GRK5: variants seen among roughly 807,000 people sequenced by gnomAD.
The protein encoded by GRK5 is g protein-coupled receptor kinase GRK5.
In GRK5, 40 loss-of-function variants were observed where a neutral mutation model predicts 78.4. The observed-to-expected ratio is 0.51, with a 90% CI of 0.40 to 0.66. GRK5 has a LOEUF of 0.66. GRK5 is among the 30% of genes least tolerant of loss of function. The probability of loss-of-function intolerance (pLI) is 0.00; values close to 1 mark genes in which losing one functional copy is unlikely to be tolerated. For synonymous variants in GRK5, 289 were observed against 296.8 expected, an observed-to-expected ratio of 0.97 and a Z score of 0.27; for missense variants, 598 against 759.9, an observed-to-expected ratio of 0.79 and a Z score of 2.50.
At chr10:119,261,065 C>A (rs61153739) in intron 1 of GRK5, among the ~76,000 whole-genome samples, 1 of 4,958 alleles carries the variant, frequency 2.0e-4, no homozygotes, top group African/African-American at 4.8e-4. Flanking sequence ...CCGGACGGGG[C>A]GGCTGGCCGG....
chr10:119,406,620 T>C (rs80000268), intron 4 of GRK5: 13 of 279,180 alleles, frequency 4.7e-5, no homozygotes, highest in African/African-American at 2.7e-4. Context: ...TCTAGTGAGC[T>C]CAGACTCCAC....
intron 2 of GRK5, among the ~76,000 whole-genome samples, chr10:119,330,721 T>C (rs1020595277): frequency 1.7e-4 from 26 of 152,052 alleles, no homozygotes; most frequent in African/African-American, 5.6e-4. Flanking sequence ...TCCTCCCAAA[T>C]TAAGACTCTT....
At chr10:119,301,661 C>G (rs1344524712) in intron 1 of GRK5, among the ~76,000 whole-genome samples, 1 of 152,186 alleles carries the variant, frequency 6.6e-6, no homozygotes, top group Non-Finnish European at 1.5e-5. Flanking sequence ...CTTTAGTCTT[C>G]CAGAAGCCCC....
intron 1 of GRK5, among the ~76,000 whole-genome samples, chr10:119,239,522 C>G (rs1848986100): frequency 6.6e-6 from 1 of 152,148 alleles, no homozygotes; most frequent in Non-Finnish European, 1.5e-5. Flanking sequence ...AGGCATGAGC[C>G]ACTGCACTAG....
rs996250800 is a variant in GRK5, at chr10:119,217,242, G to A, written c.52+9273G>A. 5.9e-5 allele frequency among the ~76,000 whole-genome samples: 9 copies of A among 152,198 alleles called. No homozygotes were observed. The highest frequency in any genetic ancestry group is 1.9e-4 in the African/African-American group (8 of 41,426). Reference sequence around the variant, plus strand: ...GGGAATATAATTTCTGTCTCAGACCGTGATTTCAGCTGAGGGCCAGTTTGA... The same window carrying A: ...GGGAATATAATTTCTGTCTCAGACCATGATTTCAGCTGAGGGCCAGTTTGA... On this transcript the variant is annotated intron_variant, in intron 1 of 15. Transcript: ENST00000392870. This position sits in a 1 kb window ranked among gnomAD's most constrained non-coding sequence, Gnocchi z 4.1.
intron 1 of GRK5, among the ~76,000 whole-genome samples, chr10:119,266,912 C>T (rs1849507322): frequency 6.6e-6 from 1 of 151,886 alleles, no homozygotes; most frequent in South Asian, 2.1e-4. Context: ...GTAGCTAGCA[C>T]TGCAGGCGTG....
Position 119,431,658 on chromosome 10 carries a change from T to G in GRK5, c.738+131T>G. 2.7e-6 allele frequency: 3 copies of G among 1,111,082 alleles called. No homozygotes were observed. In the South Asian group the frequency reaches 4.9e-5, roughly 18 times the overall value. The allele number at this position is 1,111,082 out of a possible 1,614,324, so 68.8% of individuals were successfully genotyped here. A position where few individuals can be genotyped will look rare whatever the true frequency, so the allele number is the denominator to read the frequency against. On this transcript the variant is annotated intron_variant, in intron 8 of 15. Transcript: ENST00000392870. The surrounding 1 kb of genome is among the most constrained non-coding windows in gnomAD (Gnocchi z 4.8). ...GGAAGGGGAATGCCAGTGGCAGCGC[T>G]GAGCTACAGAAAGGCCGCAAGACAT...
chr10:119,273,509 C>T (rs894962870), intron 1 of GRK5, among the ~76,000 whole-genome samples: 1 of 152,222 alleles, frequency 6.6e-6, no homozygotes, highest in Non-Finnish European at 1.5e-5. Context: ...GTGCTAGCTT[C>T]AGACGCTCCA....
intron 1 of GRK5, among the ~76,000 whole-genome samples, chr10:119,325,607 G>A (rs1850661979): frequency 6.6e-6 from 1 of 152,150 alleles, no homozygotes; most frequent in Non-Finnish European, 1.5e-5. Context: ...GTGGGTGACG[G>A]CACCTTGGTC....
Position 119,452,866 on chromosome 10 carries a change from A to C in GRK5, c.1542+58A>C, listed in dbSNP as rs369945589. 8.1e-4 allele frequency: 1,220 copies of C among 1,503,754 alleles called. 11 individuals are homozygous for C. The African/African-American group carries it at 0.015, about 18-fold the overall frequency. 93.2% of individuals were successfully genotyped at this position (1,503,754 alleles called of 1,614,324 possible). A position where few individuals can be genotyped will look rare whatever the true frequency, so the allele number is the denominator to read the frequency against. On this transcript the variant is annotated intron_variant, in intron 14 of 15. Coordinates refer to ENST00000392870, the MANE Select transcript of GRK5 (RefSeq NM_005308.3). The surrounding 1 kb of genome is among the most constrained non-coding windows in gnomAD (Gnocchi z 4.4). Reference sequence around the variant, plus strand: ...GTGGGAGGGAGGGACTGACGGGTGGAAGGAGGCGTCGGGAATATGAGTTTG... The same window carrying C: ...GTGGGAGGGAGGGACTGACGGGTGGCAGGAGGCGTCGGGAATATGAGTTTG...
chr10:119,227,428 A>G (rs1848759590), intron 1 of GRK5, among the ~76,000 whole-genome samples: 1 of 152,072 alleles, frequency 6.6e-6, no homozygotes, highest in African/African-American at 2.4e-5. Flanking sequence ...TTAGCCGGGC[A>G]TGGTGGCGCA....
At chr10:119,225,880 G>A (rs1455000314) in intron 1 of GRK5, among the ~76,000 whole-genome samples, 2 of 148,284 alleles carry the variant, frequency 1.3e-5, no homozygotes, top group Admixed American at 6.8e-5. Context: ...ATGGAGTCTC[G>A]CTCTGTCACC....
intron 1 of GRK5, among the ~76,000 whole-genome samples, chr10:119,225,732 G>A (rs1213650133): frequency 3.4e-5 from 5 of 146,300 alleles, no homozygotes; most frequent in East Asian, 2.0e-4. Flanking sequence ...GTGCAATGGC[G>A]CGATCTTGGC....
chr10:119,232,213 G>T (rs981960292), intron 1 of GRK5, among the ~76,000 whole-genome samples: 8 of 152,162 alleles, frequency 5.3e-5, no homozygotes, highest in African/African-American at 1.7e-4. Flanking sequence ...TATGCTAAGT[G>T]AAATAAACCA....
chr10:119,438,481 C>T (rs1449034938), intron 9 of GRK5, among the ~76,000 whole-genome samples: 1 of 145,570 alleles, frequency 6.9e-6, no homozygotes, highest in Non-Finnish European at 1.5e-5. Flanking sequence ...ACATGCCCTT[C>T]CCCCCATACC....
Position 119,448,116 on chromosome 10 carries a change from G to A in GRK5, c.1267-7G>A. On this transcript the variant is annotated splice_polypyrimidine_tract_variant and splice_region_variant and intron_variant, in intron 12 of 15. Transcript: ENST00000392870. ...GGGACGTGGCTTCATGGGGCTCTCT[G>A]TTTCAGCTGCTCACGAAAGATGCGA... 6.5e-7 allele frequency: 1 copy of A among 1,542,738 alleles called. No individual in the cohort carries two copies. The highest frequency in any genetic ancestry group is 8.7e-7 in the Non-Finnish European group (1 of 1,150,926).
In GRK5 at chr10:119,271,868, C is replaced by G. The variant is rs543189535; in HGVS notation, c.53-54648C>G. ...CCTCATCTGTGAAGACAGCACTAACCTCGTAGGTACTCGGGAGGCTGAAGG... is the reference window on the plus strand; with the variant it reads ...CCTCATCTGTGAAGACAGCACTAACGTCGTAGGTACTCGGGAGGCTGAAGG... On this transcript the variant is annotated intron_variant, in intron 1 of 15. Coordinates refer to ENST00000392870, the MANE Select transcript of GRK5 (RefSeq NM_005308.3). This position sits in a 1 kb window ranked among gnomAD's most constrained non-coding sequence, Gnocchi z 4.1. Among the ~76,000 whole-genome samples the G allele has an allele frequency of 1.3e-5, 2 of 152,326 alleles. No individual in the cohort carries two copies. Among genetic ancestry groups the G allele is most frequent in the East Asian group, 1.9e-4 (1 of 5,190 alleles).
At chr10:119,322,727 T>C (rs1850607016) in intron 1 of GRK5, among the ~76,000 whole-genome samples, 1 of 152,210 alleles carries the variant, frequency 6.6e-6, no homozygotes, top group African/African-American at 2.4e-5. Context: ...TAGCAATCTG[T>C]ATTGTCAAGA....
At chr10:119,367,699 T>TA (rs1468545235) in intron 2 of GRK5, among the ~76,000 whole-genome samples, 1 of 152,240 alleles carries the variant, frequency 6.6e-6, no homozygotes, top group African/African-American at 2.4e-5. Context: ...ATGGTGTTGA[T>TA]AAAGAGTATT....
Sources: allele counts gnomAD v4.1 joint callset (sites outside exome capture counted in the v4.1 genomes callset), GRCh38; gene constraint gnomAD v4.1.1; non-coding constraint Gnocchi (gnomAD v3.1); transcripts MANE v1.5; gene names NCBI Gene and HGNC (gene_info 2026-07-23, HGNC 2026-07-21).